GABRA2: variants seen among roughly 807,000 people sequenced by gnomAD.
GABRA2 encodes gamma-aminobutyric acid type A receptor subunit alpha2, also known as gamma-aminobutyric acid receptor subunit alpha-2.
Under a neutral mutation model 48.7 loss-of-function variants are expected in GABRA2, and 16 were observed. The observed-to-expected ratio is 0.33, with a 90% CI of 0.22 to 0.50. The LOEUF (loss-of-function observed/expected upper bound fraction) is 0.50, where lower values mean the gene tolerates loss of function less well. GABRA2 is among the 20% of genes least tolerant of loss of function. GABRA2 has a pLI of 0.98. For synonymous variants in GABRA2, 185 were observed against 184.5 expected, an observed-to-expected ratio of 1.00 and a Z score of -0.02; for missense variants, 275 against 535.6, an observed-to-expected ratio of 0.51 and a Z score of 4.80.
At position 46,247,540 on chromosome 4, in the gene GABRA2, G is replaced by A. The variant is rs1713940891; in HGVS notation, c.*2768C>T. 6.6e-6 allele frequency among the ~76,000 whole-genome samples: 1 copy of A among 150,956 alleles called. No homozygotes were observed. The highest frequency in any genetic ancestry group is 1.5e-5 in the Non-Finnish European group (1 of 67,370). Reference sequence around the variant, plus strand: ...CAGAGTAGTAGCTATAAAATAATGAGATTATATCTCTATATATGTACATGT... The same window carrying A: ...CAGAGTAGTAGCTATAAAATAATGAAATTATATCTCTATATATGTACATGT... On this transcript the variant is annotated 3_prime_UTR_variant, in exon 10 of 10. Coordinates refer to ENST00000381620, the MANE Select transcript of GABRA2 (RefSeq NM_000807.4).
chr4:46,338,892 T>C (rs1732728554), intron 3 of GABRA2, among the ~76,000 whole-genome samples: 1 of 151,928 alleles, frequency 6.6e-6, no homozygotes, highest in Non-Finnish European at 1.5e-5. Context: ...ACCAGTTTTC[T>C]GACTTAAAGC....
intron 3 of GABRA2, among the ~76,000 whole-genome samples, chr4:46,362,298 G>T (rs957251208): frequency 6.6e-6 from 1 of 152,010 alleles, no homozygotes; most frequent in African/African-American, 2.4e-5. Flanking sequence ...CAGGAGTTTC[G>T]CTGCACAAGC....
intron 9 of GABRA2, among the ~76,000 whole-genome samples, chr4:46,259,477 T>G (rs116337344): frequency 6.6e-6 from 1 of 151,904 alleles, no homozygotes; most frequent in Non-Finnish European, 1.5e-5. Context: ...GAGTGTTTAT[T>G]TATTTATTTG....
In GABRA2 at chr4:46,316,122, T is replaced by C. The variant is rs547441184; in HGVS notation, c.256-3406A>G. ...ATTTTTACTGCTTTATAGTATTATA[T>C]TGGAAGACAAACTTCACAATATCAT... On this transcript the variant is annotated intron_variant, in intron 4 of 9. Transcript: ENST00000381620. 1.8e-4 allele frequency among the ~76,000 whole-genome samples: 27 copies of C among 152,076 alleles called. 1 individual carries two copies. In the South Asian group the frequency reaches 5.0e-3, roughly 28 times the overall value.
chr4:46,254,665 C>T lies in GABRA2; in HGVS notation c.1060-4061G>A, dbSNP rs565217553. 4.0e-5 allele frequency among the ~76,000 whole-genome samples: 6 copies of T among 151,590 alleles called. No individual in the cohort carries two copies. In the South Asian group the frequency reaches 1.2e-3, roughly 31 times the overall value. Reference sequence around the variant, plus strand: ...GGAGACTGGGGATCATGCAGGCAAACTGACACTATTTTCTATTAATTGTAA... The same window carrying T: ...GGAGACTGGGGATCATGCAGGCAAATTGACACTATTTTCTATTAATTGTAA... On this transcript the variant is annotated intron_variant, in intron 9 of 9. Coordinates refer to ENST00000381620, the MANE Select transcript of GABRA2 (RefSeq NM_000807.4).
chr4:46,299,264 T>A (rs897380608), intron 8 of GABRA2, among the ~76,000 whole-genome samples: 8 of 151,838 alleles, frequency 5.3e-5, no homozygotes, highest in Non-Finnish European at 8.9e-5. Flanking sequence ...TTTAAAAAAA[T>A]TTATATAGGT....
intron 8 of GABRA2, among the ~76,000 whole-genome samples, chr4:46,298,988 ATATAT>A (rs1056596715): frequency 1.6e-4 from 24 of 151,184 alleles, no homozygotes; most frequent in African/African-American, 3.1e-4. Flanking sequence ...TATATTATAC[ATATAT>A]TATATGATTA....
intron 3 of GABRA2, among the ~76,000 whole-genome samples, chr4:46,378,485 C>A (rs1716288684): frequency 6.6e-6 from 1 of 151,798 alleles, no homozygotes; most frequent in Non-Finnish European, 1.5e-5. Flanking sequence ...GTCATCACCA[C>A]TCCCTAATCT....
chr4:46,245,995 AAC>A lies in GABRA2; in HGVS notation c.*4311_*4312del, dbSNP rs1346578768. Among the ~76,000 whole-genome samples, 6 of 151,154 alleles carry A rather than the reference AAC, an allele frequency of 4.0e-5. No homozygotes were observed. The highest frequency in any genetic ancestry group is 1.5e-4 in the African/African-American group (6 of 41,286). On this transcript the variant is annotated 3_prime_UTR_variant, in exon 10 of 10. Transcript: ENST00000381620. Reference sequence around the variant, plus strand: ...TGATAATTAAGAATTTTAGCAAAAAAACAAAATTATGATATATAATATTTATA... The same window carrying A: ...TGATAATTAAGAATTTTAGCAAAAAAAAAATTATGATATATAATATTTATA...
intron 3 of GABRA2, among the ~76,000 whole-genome samples, chr4:46,353,841 C>T (rs1053280885): frequency 2.0e-5 from 3 of 152,018 alleles, no homozygotes; most frequent in African/African-American, 4.8e-5. Flanking sequence ...CCGTAGCATT[C>T]GATACTTCCT....
At chr4:46,271,196 T>A (rs572192666) in intron 8 of GABRA2, among the ~76,000 whole-genome samples, 7 of 152,108 alleles carry the variant, frequency 4.6e-5, no homozygotes, top group African/African-American at 1.4e-4. Context: ...AATTGTTTGA[T>A]ACCACCTGCT....
chr4:46,318,443 T>G (rs1728907331), intron 4 of GABRA2, among the ~76,000 whole-genome samples: 1 of 151,666 alleles, frequency 6.6e-6, no homozygotes, highest in African/African-American at 2.4e-5. Context: ...TAATATTCTT[T>G]GCATAGCCAC....
At chr4:46,372,108 T>C (rs2110003791) in intron 3 of GABRA2, among the ~76,000 whole-genome samples, 1 of 152,286 alleles carries the variant, frequency 6.6e-6, no homozygotes, top group East Asian at 1.9e-4. Context: ...AAGTAAGAAA[T>C]GGAGGCACTG....
intron 8 of GABRA2, among the ~76,000 whole-genome samples, chr4:46,265,076 C>A (rs1333772265): frequency 6.7e-6 from 1 of 148,536 alleles, no homozygotes; most frequent in Non-Finnish European, 1.5e-5. Flanking sequence ...TGACATTTCA[C>A]CCAGGCTGAA....
At chr4:46,296,424 G>T (rs1724698213) in intron 8 of GABRA2, among the ~76,000 whole-genome samples, 1 of 152,096 alleles carries the variant, frequency 6.6e-6, no homozygotes, top group Admixed American at 6.5e-5. Flanking sequence ...TAAGTCAACA[G>T]AATAAGAAGG....
At chr4:46,270,885 C>T (rs1288193783) in intron 8 of GABRA2, among the ~76,000 whole-genome samples, 1 of 151,742 alleles carries the variant, frequency 6.6e-6, no homozygotes, top group African/African-American at 2.4e-5. Flanking sequence ...ACTGACACTG[C>T]TGTAGCAGCT....
At chr4:46,348,361 G>C (rs1204403715) in intron 3 of GABRA2, among the ~76,000 whole-genome samples, 1 of 152,012 alleles carries the variant, frequency 6.6e-6, no homozygotes, top group Non-Finnish European at 1.5e-5. Context: ...GTGGAAGTCG[G>C]TGTGGCGATT....
At chr4:46,279,541 A>C (rs1407781424) in intron 8 of GABRA2, among the ~76,000 whole-genome samples, 1 of 152,022 alleles carries the variant, frequency 6.6e-6, no homozygotes, top group Non-Finnish European at 1.5e-5. Context: ...GTGTTCTTCC[A>C]TATAAAGAGT....
At chr4:46,377,068 G>C (rs1474943864) in intron 3 of GABRA2, among the ~76,000 whole-genome samples, 1 of 152,054 alleles carries the variant, frequency 6.6e-6, no homozygotes, top group African/African-American at 2.4e-5. Context: ...GTGCAGTGGC[G>C]TGATCTCGGC....
Sources: allele counts gnomAD v4.1 joint callset (sites outside exome capture counted in the v4.1 genomes callset), GRCh38; gene constraint gnomAD v4.1.1; transcripts MANE v1.5; gene names NCBI Gene and HGNC (gene_info 2026-07-23, HGNC 2026-07-21).